FANCD2: variants seen among roughly 807,000 people sequenced by gnomAD.
FANCD2 encodes Fanconi anemia group D2 protein.
A neutral mutation model predicts 192.3 loss-of-function variants in FANCD2; 131 were observed. That is an observed-to-expected ratio of 0.68 (90% confidence interval 0.59 to 0.79). The LOEUF is 0.79. Among genes scored for constraint, FANCD2 ranks in the 30% least tolerant of loss-of-function variants. The pLI is 0.00. For synonymous variants in FANCD2, 524 were observed against 612.5 expected (o/e 0.86, Z 2.13); for missense variants, 1,508 against 1,701.6 (o/e 0.89, Z 2.00).
intron 16 of FANCD2, among the ~76,000 whole-genome samples, chr3:10,048,680 A>C (rs2087105783): frequency 6.6e-6 from 1 of 152,218 alleles, no homozygotes; most frequent in South Asian, 2.1e-4. Flanking sequence ...GCAAGTAAAG[A>C]ACAGTGTCTT....
chr3:10,051,393 AAAAAAAAAAAAAAACAAAAAG>A (rs1442507737), intron 17 of FANCD2, among the ~76,000 whole-genome samples: 5 of 9,746 alleles, frequency 5.1e-4, no homozygotes, highest in African/African-American at 1.9e-3. Context: ...AAAAAAAAAA[AAAAAAAAAAAAAAACAAAAAG>A]GAGTGAGGGA....
At chr3:10,041,968 C>A (rs897740778) in intron 10 of FANCD2, among the ~76,000 whole-genome samples, 1 of 151,388 alleles carries the variant, frequency 6.6e-6, no homozygotes. Context: ...GTGCAATCTC[C>A]GCTAACTGCA....
Position 10,072,976 on chromosome 3 carries a change from A to G in FANCD2, c.2600A>G (p.Lys867Arg), listed in dbSNP as rs1473508353. The G allele has an allele frequency of 6.5e-7, 1 of 1,530,790 alleles. No homozygotes were observed. Among genetic ancestry groups the G allele is most frequent in the East Asian group, 2.2e-5 (1 of 44,476 alleles). 94.8% of individuals were successfully genotyped at this position (1,530,790 alleles called of 1,614,324 possible). ...AISAKIRKKG[K>R]IERKQKTDGS... is the part of the protein sequence containing the mutation. ...TCAGCAAAAATCAGAAAGAAAGGAA[A>G]AATAGGTAAGTATGTTCTTTTCCTC... The change falls in exon 27 of 44, where the codon AAA becomes AGA. Residue 867 changes from lysine to arginine, a missense_variant. Lys to Arg is a conservative substitution (Grantham distance 26, BLOSUM62 2). Transcript: ENST00000675286.
At chr3:10,070,571 G>T (rs527788333) in intron 26 of FANCD2, among the ~76,000 whole-genome samples, 10 of 144,914 alleles carry the variant, frequency 6.9e-5, no homozygotes, top group Non-Finnish European at 1.5e-4. Context: ...CTGCCCGGCC[G>T]CCCCTACTGG....
intron 38 of FANCD2, among the ~76,000 whole-genome samples, chr3:10,092,938 A>G (rs538337145): frequency 2.6e-5 from 4 of 151,938 alleles, no homozygotes; most frequent in Non-Finnish European, 5.9e-5. Flanking sequence ...GTGATCCACC[A>G]GCCTCAGCCT....
Position 10,101,365 on chromosome 3 carries a change from T to A in FANCD2, c.*103T>A. On this transcript the variant is annotated 3_prime_UTR_variant, in exon 44 of 44. Coordinates refer to ENST00000675286, the MANE Select transcript of FANCD2 (RefSeq NM_001018115.3). ...TTTGCCTTTCTTACTGGTAGGATCC[T>A]TTTTTGTTCCTCTTTTTTTTTTTTT... 1.4e-6 allele frequency: 1 copy of A among 715,552 alleles called. No homozygotes were observed. Among genetic ancestry groups the A allele is most frequent in the Non-Finnish European group, 2.4e-6 (1 of 418,650 alleles). The allele number at this position is 715,552 out of a possible 1,614,324, so 44.3% of individuals were successfully genotyped here.
intron 26 of FANCD2, among the ~76,000 whole-genome samples, chr3:10,071,242 G>T (rs1693228294): frequency 1.3e-5 from 2 of 152,082 alleles, no homozygotes; most frequent in African/African-American, 4.8e-5. Context: ...ACTGTTGGTG[G>T]GAATGTCAAT....
chr3:10,042,077 T>C (rs1285625640), intron 10 of FANCD2, among the ~76,000 whole-genome samples: 2 of 152,228 alleles, frequency 1.3e-5, no homozygotes, highest in South Asian at 2.1e-4. Flanking sequence ...TTTGTATTTT[T>C]AGTAGAGACG....
Position 10,034,471 on chromosome 3 carries a change from G to A in FANCD2, c.208G>A (p.Val70Met). 1 of 1,611,646 alleles carries A rather than the reference G, an allele frequency of 6.2e-7. No homozygotes were observed. Among genetic ancestry groups the A allele is most frequent in the Non-Finnish European group, 8.5e-7 (1 of 1,177,852 alleles). Residue 70 changes from valine (V) to methionine (M), a missense_variant and splice_region_variant, in exon 4 of 44, where the codon GTG becomes ATG. By Grantham distance (21) the Val-to-Met change is conservative. This residue lies in a region of FANCD2 where 435 missense variants were observed against 421.9 expected (regional missense o/e 1.03). Coordinates refer to ENST00000675286, the MANE Select transcript of FANCD2 (RefSeq NM_001018115.3). ...KTGESQNQLA[V>M]DQIAFQKKLF... ...CAGCTCTTCTTTTTTCTGCATAGCT[G>A]TGGATCAAATAGCTTTCCAAAAGAA...
chr3:10,082,955 C>T (rs1481942446), intron 32 of FANCD2, among the ~76,000 whole-genome samples: 1 of 152,110 alleles, frequency 6.6e-6, no homozygotes, highest in East Asian at 1.9e-4. Context: ...GGCCTGACAT[C>T]GTGGCTTATG....
chr3:10,047,337 G>T (rs2087051008), intron 15 of FANCD2, among the ~76,000 whole-genome samples: 1 of 152,284 alleles, frequency 6.6e-6, no homozygotes, highest in African/African-American at 2.4e-5. Flanking sequence ...ATTTTTCATT[G>T]CATTTTCCCC....
At chr3:10,063,487 T>G (rs1456945071) in intron 20 of FANCD2, among the ~76,000 whole-genome samples, 2 of 152,194 alleles carry the variant, frequency 1.3e-5, no homozygotes, top group Non-Finnish European at 2.9e-5. Flanking sequence ...GAGCCTTGCA[T>G]GTAAAGCAAT....
intron 30 of FANCD2, among the ~76,000 whole-genome samples, chr3:10,079,414 C>T (rs1378236225): frequency 6.6e-6 from 1 of 152,120 alleles, no homozygotes; most frequent in African/African-American, 2.4e-5. Context: ...AAGCGATTCT[C>T]CTGCTGCAGC....
In FANCD2 at chr3:10,063,826, G is replaced by C. The variant is rs946210986; in HGVS notation, c.1862G>C (p.Ser621Thr). The change falls in exon 21 of 44, where the codon AGT (serine) becomes ACT (threonine). Residue 621 changes from serine (S) to threonine (T), a missense_variant. This residue lies in a region of FANCD2 where 59 missense variants were observed against 111.9 expected (regional missense o/e 0.53). Transcript: ENST00000675286. Reference sequence around the variant, plus strand: ...TTGTTGCAGTTGGTTCATTCCTGCAGTGAGCAGTCTCCTCAGGCCTCTGCA... The same window carrying C: ...TTGTTGCAGTTGGTTCATTCCTGCACTGAGCAGTCTCCTCAGGCCTCTGCA... ...TSLLQLVHSC[S>T]EQSPQASALY... 6.2e-7 allele frequency: 1 copy of C among 1,614,176 alleles called. No individual in the cohort carries two copies. The highest frequency in any genetic ancestry group is 1.3e-5 in the African/African-American group (1 of 75,066).
intron 17 of FANCD2, 101 bp from the exon 18 acceptor site, chr3:10,052,286 G>C (rs2087240781): frequency 1.3e-6 from 1 of 778,430 alleles, no homozygotes; most frequent in Non-Finnish European, 2.3e-6. Context: ...TTAGATACCT[G>C]GCTATCTATG....
At chr3:10,078,946 CAAAA>C (rs143161480) in intron 30 of FANCD2, among the ~76,000 whole-genome samples, 9 of 146,888 alleles carry the variant, frequency 6.1e-5, no homozygotes, top group Non-Finnish European at 1.5e-5. Context: ...TCGTCTCAAA[CAAAA>C]AAAAAAGTCT....
rs994778998 is a variant in FANCD2 at position 10,090,380 on chromosome 3, C to G, written c.3772C>G (p.Gln1258Glu). 1.9e-6 allele frequency: 3 copies of G among 1,604,200 alleles called. No individual in the cohort carries two copies. Among genetic ancestry groups the G allele is most frequent in the Admixed American group, 1.7e-5 (1 of 59,730 alleles). The change falls in exon 37 of 44, where the codon CAG becomes GAG. Residue 1258 changes from glutamine (Q) to glutamate (E), a missense_variant. Physicochemically the swap from Gln to Glu is conservative, Grantham distance 29. Coordinates refer to ENST00000675286, the MANE Select transcript of FANCD2 (RefSeq NM_001018115.3). The part of the protein sequence containing the change: ...KIEPGTAADS[Q>E]QIHEEKLLYW... ...TGAGCCTGGCACAGCAGCAGACTCG[C>G]AGCAGGTGAGTAAGATAATAGTCAC... is the stretch of plus-strand genomic sequence containing the variant.
chr3:10,080,152 A>T (rs1463054532), intron 30 of FANCD2, among the ~76,000 whole-genome samples: 1 of 152,062 alleles, frequency 6.6e-6, no homozygotes, highest in Non-Finnish European at 1.5e-5. Context: ...TGACCTCATG[A>T]TCCACCCGCC....
At chr3:10,043,197 C>A in intron 12 of FANCD2, 47 bp downstream of exon 12, 1 of 1,400,164 alleles carries the variant, frequency 7.1e-7, no homozygotes, top group Non-Finnish European at 1.0e-6. Flanking sequence ...TCTGACATCC[C>A]ACTGTCAGAG....
Sources: allele counts gnomAD v4.1 joint callset (sites outside exome capture counted in the v4.1 genomes callset), GRCh38; gene constraint gnomAD v4.1.1; regional missense constraint gnomAD v4.1.1; transcripts MANE v1.5; gene names NCBI Gene and HGNC (gene_info 2026-07-23, HGNC 2026-07-21).